ZDHHC21: variants seen among roughly 807,000 people sequenced by gnomAD.
ZDHHC21 encodes zDHHC palmitoyltransferase 21, also known as palmitoyltransferase ZDHHC21.
ZDHHC21 carries 15 observed loss-of-function variants against 34.6 expected under a neutral mutation model. The observed-to-expected ratio is 0.43, with a 90% confidence interval of 0.29 to 0.67. ZDHHC21 has a LOEUF of 0.67. Ranked by LOEUF, ZDHHC21 falls within the 30% of genes least tolerant of loss-of-function variation. The probability of loss-of-function intolerance (pLI) is 0.14; values close to 1 mark genes in which losing one functional copy is unlikely to be tolerated. For synonymous variants in ZDHHC21, 142 were observed against 101.8 expected, an observed-to-expected ratio of 1.40 and a Z score of -2.38; for missense variants, 344 against 327.7, an observed-to-expected ratio of 1.05 and a Z score of -0.38.
At chr9:14,680,508 G>C (rs946289754) in intron 2 of ZDHHC21, among the ~76,000 whole-genome samples, 1 of 152,054 alleles carries the variant, frequency 6.6e-6, no homozygotes, top group African/African-American at 2.4e-5. Flanking sequence ...TCTGGTAGAA[G>C]AATCTAATCA....
At chr9:14,633,965 G>A (rs952158036) in intron 8 of ZDHHC21, among the ~76,000 whole-genome samples, 1 of 152,202 alleles carries the variant, frequency 6.6e-6, no homozygotes, top group African/African-American at 2.4e-5. Flanking sequence ...CTGGGTGAAT[G>A]TACCACCAGG....
At chr9:14,682,031 C>T (rs1837471912) in intron 2 of ZDHHC21, among the ~76,000 whole-genome samples, 2 of 152,108 alleles carry the variant, frequency 1.3e-5, no homozygotes, top group South Asian at 4.1e-4. Context: ...ACAAGAGCTC[C>T]TGAAGGAAGC....
chr9:14,606,425 C>T (rs1373160516), downstream of ZDHHC21, among the ~76,000 whole-genome samples: 1 of 152,160 alleles, frequency 6.6e-6, no homozygotes, highest in Non-Finnish European at 1.5e-5. Flanking sequence ...TGGATGATAA[C>T]CCAAGCTGAG....
At chr9:14,666,013 A>G (rs374006537) in intron 5 of ZDHHC21, among the ~76,000 whole-genome samples, 1 of 150,166 alleles carries the variant, frequency 6.7e-6, no homozygotes, top group East Asian at 2.0e-4. Flanking sequence ...AACTTTAAAT[A>G]TAAATGGACT....
rs74991344 is a variant in ZDHHC21 at position 14,627,633 on chromosome 9, C to T, written c.622-7951G>A. 2.3e-3 allele frequency among the ~76,000 whole-genome samples: 348 copies of T among 152,100 alleles called. 7 individuals carry two copies. Among genetic ancestry groups the T allele is most frequent in the East Asian group, 3.5e-3 (18 of 5,178 alleles). On this transcript the variant is annotated intron_variant, in intron 8 of 9. Transcript: ENST00000380916. ...TATAAACTCCACAGAGCCCAGAAAA[C>T]AAAAATGCTTGTATATAAAAATTAG...
intron 1 of ZDHHC21, among the ~76,000 whole-genome samples, chr9:14,692,080 A>T (rs1430537899): frequency 6.6e-6 from 1 of 152,136 alleles, no homozygotes; most frequent in Non-Finnish European, 1.5e-5. Context: ...TTTCCAGTGG[A>T]TTTCTCACCT....
the ZDHHC21 span, among the ~76,000 whole-genome samples, chr9:14,602,256 A>T: frequency 1.3e-5 from 2 of 152,106 alleles, no homozygotes. Flanking sequence ...AGCAGAAGAA[A>T]GAATTTCTCA....
At chr9:14,593,543 G>C in the ZDHHC21 span, 1 of 152,288 alleles carries the variant, frequency 6.6e-6, no homozygotes, top group East Asian at 1.9e-4. Flanking sequence ...ACAGTGGACT[G>C]GGCTGGGCAG....
intron 7 of ZDHHC21, among the ~76,000 whole-genome samples, chr9:14,641,283 G>A (rs1322831355): frequency 6.6e-6 from 1 of 152,010 alleles, no homozygotes; most frequent in Non-Finnish European, 1.5e-5. Context: ...CACTTAAAAC[G>A]TTATGTAGCA....
At chr9:14,678,685 C>T (rs911604626) in intron 3 of ZDHHC21, among the ~76,000 whole-genome samples, 1 of 152,010 alleles carries the variant, frequency 6.6e-6, no homozygotes, top group East Asian at 1.9e-4. Flanking sequence ...AAAAGTACTC[C>T]TGAGACTGTA....
chr9:14,648,107 G>A, intron 7 of ZDHHC21, among the ~76,000 whole-genome samples: 1 of 152,006 alleles, frequency 6.6e-6, no homozygotes, highest in East Asian at 1.9e-4. Flanking sequence ...GGGCGGTGAA[G>A]CCCTGGAAAT....
At chr9:14,645,351 G>A (rs1830104294) in intron 7 of ZDHHC21, among the ~76,000 whole-genome samples, 1 of 151,898 alleles carries the variant, frequency 6.6e-6, no homozygotes, top group Non-Finnish European at 1.5e-5. Flanking sequence ...CAGAGTGGAG[G>A]GGAAAGAATT....
Position 14,644,815 on chromosome 9 carries a change from T to C in ZDHHC21, c.505-4803A>G, listed in dbSNP as rs924243784. Reference sequence around the variant, plus strand: ...GTTTATATATATACACACATACATATGTATACACACACACACACACACATA... The same window carrying C: ...GTTTATATATATACACACATACATACGTATACACACACACACACACACATA... On this transcript the variant is annotated intron_variant, in intron 7 of 9. Transcript: ENST00000380916. Among the ~76,000 whole-genome samples the C allele has an allele frequency of 4.2e-5, 6 of 142,482 alleles. No homozygotes were observed. In the East Asian group the frequency reaches 8.5e-4, roughly 20 times the overall value. 93.5% of individuals were successfully genotyped at this position (142,482 alleles called of 152,430 possible).
intron 8 of ZDHHC21, among the ~76,000 whole-genome samples, chr9:14,627,681 T>C (rs1319603513): frequency 3.3e-5 from 5 of 152,146 alleles, no homozygotes; most frequent in African/African-American, 4.8e-5. Flanking sequence ...AGCAGTGTCA[T>C]GGTACACAAT....
At chr9:14,663,927 C>T (rs1833872218) in intron 5 of ZDHHC21, among the ~76,000 whole-genome samples, 1 of 152,140 alleles carries the variant, frequency 6.6e-6, no homozygotes, top group Non-Finnish European at 1.5e-5. Flanking sequence ...ATGTCACAAG[C>T]ATATCATATT....
intron 9 of ZDHHC21, 141 bp downstream of exon 9, chr9:14,619,498 G>C (rs1824882458): frequency 3.0e-6 from 2 of 665,474 alleles, no homozygotes; most frequent in Admixed American, 3.6e-5. Flanking sequence ...GACTGGGGTA[G>C]CTTGCCTAGC....
Position 14,617,806 on chromosome 9 carries a change from A to G in ZDHHC21, c.*1160T>C, listed in dbSNP as rs991001817. 1 of 151,990 alleles carries G rather than the reference A, an allele frequency of 6.6e-6. No individual in the cohort carries two copies. Among genetic ancestry groups the G allele is most frequent in the Non-Finnish European group, 1.5e-5 (1 of 67,926 alleles). The allele number at this position is 151,990 out of a possible 1,614,324, so 9.4% of individuals were successfully genotyped here. On this transcript the variant is annotated 3_prime_UTR_variant, in exon 10 of 10. Transcript: ENST00000380916. The stretch of plus-strand genomic sequence containing the variant: ...TATTTTAGGTTCACTTCCTAACACT[A>G]GCTACTAGTAAAAGGTCTCTCAATG...
At chr9:14,592,673 T>G in the ZDHHC21 span, among the ~76,000 whole-genome samples, 3 of 152,184 alleles carry the variant, frequency 2.0e-5, no homozygotes, top group African/African-American at 7.2e-5. Context: ...CTGCCCTAAC[T>G]GACATTTATA....
chr9:14,634,664 C>A (rs560943934), intron 8 of ZDHHC21, among the ~76,000 whole-genome samples: 5 of 152,114 alleles, frequency 3.3e-5, no homozygotes, highest in Non-Finnish European at 7.3e-5. Flanking sequence ...AGGGCCCCAA[C>A]CAGCCAACAC....
Sources: allele counts gnomAD v4.1 joint callset (sites outside exome capture counted in the v4.1 genomes callset), GRCh38; gene constraint gnomAD v4.1.1; transcripts MANE v1.5; gene names NCBI Gene and HGNC (gene_info 2026-07-23, HGNC 2026-07-21).